Variants in EYS observed in about 807,000 individuals in gnomAD.
EYS encodes the protein EGF-like photoreceptor maintenance factor.
A neutral mutation model predicts 282.1 loss-of-function variants in EYS; 250 were observed. The ratio of observed to expected loss-of-function variants is 0.89; its 90% confidence interval spans 0.80 to 0.98. The LOEUF (loss-of-function observed/expected upper bound fraction) is 0.98, where lower values mean the gene tolerates loss of function less well. EYS is among the 50% of genes least tolerant of loss of function. The probability of loss-of-function intolerance (pLI) is 0.00; values close to 1 mark genes in which losing one functional copy is unlikely to be tolerated. For missense variants in EYS, 4,016 were observed against 3,709.0 expected (o/e 1.08, Z -2.15); for synonymous variants, 1,355 against 1,282.9 (o/e 1.06, Z -1.20).
intron 31 of EYS, among the ~76,000 whole-genome samples, chr6:64,083,316 G>C (rs1050906405): frequency 2.0e-5 from 3 of 152,202 alleles, no homozygotes; most frequent in Non-Finnish European, 4.4e-5. Flanking sequence ...TACAGTGAGT[G>C]AGAAACTAAT....
At chr6:65,314,079 C>T (rs1395068373) in intron 11 of EYS, among the ~76,000 whole-genome samples, 1 of 152,024 alleles carries the variant, frequency 6.6e-6, no homozygotes, top group African/African-American at 2.4e-5. Flanking sequence ...GCTGTTCCAT[C>T]TGCCTGGATT....
In EYS at chr6:64,601,900, A is replaced by G. The variant is rs556232458; in HGVS notation, c.3685-8591T>C. Among the ~76,000 whole-genome samples, 4 of 152,168 alleles carry G rather than the reference A, an allele frequency of 2.6e-5. No homozygotes were observed. The South Asian group carries it at 8.3e-4, about 32-fold the overall frequency. ...TCCACTCTTTACTGTCCCATACAGG[A>G]CAAGATCTTTTCCTCCTCATGACCC... On this transcript the variant is annotated intron_variant, in intron 24 of 42. Transcript: ENST00000503581.
chr6:64,601,140 T>A (rs1192238964), intron 24 of EYS, among the ~76,000 whole-genome samples: 1 of 152,040 alleles, frequency 6.6e-6, no homozygotes, highest in Non-Finnish European at 1.5e-5. Context: ...GCCTCTAGTT[T>A]GGAATTTATC....
At chr6:65,004,872 C>A (rs1771591280) in intron 13 of EYS, among the ~76,000 whole-genome samples, 1 of 147,602 alleles carries the variant, frequency 6.8e-6, no homozygotes, top group Admixed American at 6.7e-5. Flanking sequence ...AACAAAGTAC[C>A]AGCAGGTAGC....
At chr6:64,777,373 G>T (rs1237741162) in intron 22 of EYS, among the ~76,000 whole-genome samples, 1 of 152,100 alleles carries the variant, frequency 6.6e-6, no homozygotes, top group Non-Finnish European at 1.5e-5. Flanking sequence ...TGAACATGCT[G>T]TTGGAGTGTT....
intron 12 of EYS, among the ~76,000 whole-genome samples, chr6:65,193,463 C>T (rs771724698): frequency 4.0e-5 from 6 of 151,646 alleles, no homozygotes; most frequent in Admixed American, 6.6e-5. Context: ...AGTGGGAGTA[C>T]AGGGCCAGAG....
At chr6:64,463,109 G>A (rs541622555) in intron 26 of EYS, among the ~76,000 whole-genome samples, 1 of 151,768 alleles carries the variant, frequency 6.6e-6, no homozygotes, top group African/African-American at 2.4e-5. Flanking sequence ...ACCACGCCCG[G>A]CTATTTATTT....
At chr6:64,258,472 G>T (rs1767478173) in intron 30 of EYS, among the ~76,000 whole-genome samples, 2 of 152,018 alleles carry the variant, frequency 1.3e-5, no homozygotes, top group African/African-American at 4.8e-5. Flanking sequence ...TGTTAGCTCA[G>T]AGGATAAAGT....
chr6:64,153,622 T>A (rs1327645468), intron 31 of EYS, among the ~76,000 whole-genome samples: 1 of 152,232 alleles, frequency 6.6e-6, no homozygotes, highest in East Asian at 1.9e-4. Context: ...CCTTTTTACA[T>A]TCTTTAATTA....
intron 28 of EYS, among the ~76,000 whole-genome samples, chr6:64,393,324 A>G (rs1348333563): frequency 6.6e-6 from 1 of 152,208 alleles, no homozygotes; most frequent in African/African-American, 2.4e-5. Context: ...CAGAGATACA[A>G]CAAAAAAAGA....
chr6:65,641,266 C>G (rs994140619), intron 1 of EYS, among the ~76,000 whole-genome samples: 1 of 152,176 alleles, frequency 6.6e-6, no homozygotes, highest in African/African-American at 2.4e-5. Context: ...CAAAATTAAC[C>G]ATACTCTTCC....
At chr6:64,585,356 C>A (rs968233192) in intron 26 of EYS, among the ~76,000 whole-genome samples, 1 of 152,164 alleles carries the variant, frequency 6.6e-6, no homozygotes, top group African/African-American at 2.4e-5. Flanking sequence ...AAATACCTAC[C>A]TATTGGATAC....
chr6:65,686,709 A>G (rs777559602), intron 1 of EYS, among the ~76,000 whole-genome samples: 1 of 152,156 alleles, frequency 6.6e-6, no homozygotes, highest in Non-Finnish European at 1.5e-5. Context: ...TTAAAGCAAG[A>G]AAGTATTATT....
At chr6:65,395,601 T>G (rs1211884417) in intron 7 of EYS, among the ~76,000 whole-genome samples, 1 of 152,220 alleles carries the variant, frequency 6.6e-6, no homozygotes, top group Non-Finnish European at 1.5e-5. Context: ...TTAGCTATAG[T>G]CATTACCTTG....
chr6:65,610,084 T>G (rs1291222744), intron 2 of EYS, among the ~76,000 whole-genome samples: 1 of 152,018 alleles, frequency 6.6e-6, no homozygotes, highest in Non-Finnish European at 1.5e-5. Context: ...TTTTTTTTAT[T>G]TTTTGTAGAG....
At chr6:65,401,905 T>C (rs1330366369) in intron 7 of EYS, among the ~76,000 whole-genome samples, 3 of 151,954 alleles carry the variant, frequency 2.0e-5, no homozygotes, top group African/African-American at 7.2e-5. Flanking sequence ...TTCTTAATGA[T>C]GTGAGAAAAT....
intron 12 of EYS, among the ~76,000 whole-genome samples, chr6:65,180,433 T>C (rs995726782): frequency 6.6e-6 from 1 of 151,986 alleles, no homozygotes; most frequent in African/African-American, 2.4e-5. Context: ...GAGAGCCAAA[T>C]CATGAGTGAA....
chr6:65,443,626 CAT>C (rs200909006), intron 5 of EYS, among the ~76,000 whole-genome samples: 2,014 of 149,078 alleles, frequency 0.014, 38 homozygotes, highest in South Asian at 0.04. Context: ...CACATATAAA[CAT>C]GTGTAGAGGC....
At chr6:65,133,704 A>G (rs547157571) in intron 12 of EYS, among the ~76,000 whole-genome samples, 12 of 152,162 alleles carry the variant, frequency 7.9e-5, no homozygotes, top group African/African-American at 2.9e-4. Context: ...CTGGACACAG[A>G]AACAGGCAAA....
Sources: gnomAD v4.1 joint callset for allele counts (sites outside exome capture counted in the v4.1 genomes callset) on GRCh38, gnomAD v4.1.1 for gene constraint, MANE v1.5 for transcripts, NCBI Gene and HGNC (gene_info 2026-07-23, HGNC 2026-07-21) for gene names.